ANKHD1: variants seen among roughly 807,000 people sequenced by gnomAD.
The protein encoded by ANKHD1 is ankyrin repeat and KH domain-containing protein 1.
ANKHD1 carries 31 observed loss-of-function variants against 230.5 expected under a neutral mutation model. The ratio of observed to expected loss-of-function variants is 0.13; its 90% CI spans 0.10 to 0.18. The LOEUF (loss-of-function observed/expected upper bound fraction) is 0.18. ANKHD1 is among the 10% of genes least tolerant of loss of function. The pLI is 1.00. For synonymous variants in ANKHD1, 1,074 were observed against 1,117.6 expected, an observed-to-expected ratio of 0.96 and a Z score of 0.78; for missense variants, 2,256 against 3,071.3, an observed-to-expected ratio of 0.73 and a Z score of 6.27.
intron 1 of ANKHD1, among the ~76,000 whole-genome samples, chr5:140,432,254 C>T (rs1003650753): frequency 1.3e-5 from 2 of 152,164 alleles, no homozygotes; most frequent in African/African-American, 2.4e-5. Context: ...CCTATTCTTC[C>T]CTTCTCCACT....
In ANKHD1 at chr5:140,507,014, GTT is replaced by G; in HGVS notation, c.3551+38_3551+39del. The G allele has an allele frequency of 1.2e-6, 2 of 1,604,532 alleles. No homozygotes were observed. The highest frequency in any genetic ancestry group is 4.5e-5 in the East Asian group (2 of 44,756). On this transcript the variant is annotated intron_variant, in intron 19 of 33. Transcript: ENST00000360839. The surrounding 1 kb of genome is among the most constrained non-coding windows in gnomAD (Gnocchi z 4.1). Reference sequence around the variant, plus strand: ...TCATTTTATTGTTCATGTTTAGTAAGTTACTACTTTGGACTTAAATGTCTACC... The same window carrying G: ...TCATTTTATTGTTCATGTTTAGTAAGACTACTTTGGACTTAAATGTCTACC...
In ANKHD1 at chr5:140,428,420, G is replaced by A. The variant is rs926018591; in HGVS notation, c.307-7684G>A. ...AGGCCGAGGCTGGCGGATCACTCGCGGTTAGGAGCTGGAGACCAGCCCGGC... is the reference window on the plus strand; with the variant it reads ...AGGCCGAGGCTGGCGGATCACTCGCAGTTAGGAGCTGGAGACCAGCCCGGC... On this transcript the variant is annotated intron_variant, in intron 1 of 33. Coordinates refer to ENST00000360839, the MANE Select transcript of ANKHD1 (RefSeq NM_017747.3). 2.6e-5 allele frequency among the ~76,000 whole-genome samples: 4 copies of A among 152,378 alleles called. No individual in the cohort carries two copies. The South Asian group carries it at 6.2e-4, about 24-fold the overall frequency.
In ANKHD1 at chr5:140,539,619, A is replaced by G; in HGVS notation, c.*201A>G. ...TTAGTTTAGCCATTTTGAACTTAAG[A>G]TCATATGACCTTAGTGCTTTTGGCT... On this transcript the variant is annotated 3_prime_UTR_variant, in exon 34 of 34. Coordinates refer to ENST00000360839, the MANE Select transcript of ANKHD1 (RefSeq NM_017747.3). 1 of 557,312 alleles carries G rather than the reference A, an allele frequency of 1.8e-6. No individual in the cohort carries two copies. Among genetic ancestry groups the G allele is most frequent in the Non-Finnish European group, 3.0e-6 (1 of 327,930 alleles). 34.5% of individuals were successfully genotyped at this position (557,312 alleles called of 1,614,324 possible).
In ANKHD1 at chr5:140,449,251, A is replaced by T; in HGVS notation, c.1188A>T (p.Ala396=). 1 of 1,613,834 alleles carries T rather than the reference A, an allele frequency of 6.2e-7. No homozygotes were observed. Among genetic ancestry groups the T allele is most frequent in the African/African-American group, 1.3e-5 (1 of 75,042 alleles). ...TTCGCTTTCTACTTGAAGCTGGTGC[A>T]GATCAAGAGCACAAAACAGATGAGA... The part of the protein sequence containing the change: ...DMVRFLLEAG[A]DQEHKTDEMH... Residue 396 remains alanine (A), a synonymous_variant, in exon 7 of 34, where the codon GCA becomes GCT. Transcript: ENST00000360839.
intron 24 of ANKHD1, 75 bp from the exon 25 acceptor site, chr5:140,523,991 C>T (rs1193019022): frequency 2.0e-6 from 3 of 1,475,366 alleles, no homozygotes; most frequent in African/African-American, 2.9e-5. Context: ...CCCTGTGTAT[C>T]ATAAAAATAT....
intron 1 of ANKHD1, among the ~76,000 whole-genome samples, chr5:140,421,487 G>A (rs1164166900): frequency 1.3e-5 from 2 of 151,890 alleles, no homozygotes; most frequent in African/African-American, 4.8e-5. Flanking sequence ...TTTTAGTAGA[G>A]ACGAGGTTTC....
At chr5:140,427,738 T>C (rs1581230864) in intron 1 of ANKHD1, among the ~76,000 whole-genome samples, 1 of 128,800 alleles carries the variant, frequency 7.8e-6, no homozygotes, top group Non-Finnish European at 1.6e-5. Flanking sequence ...GAGGCGCCCC[T>C]CACCTCCCGG....
chr5:140,464,932 G>A (rs930753050), intron 10 of ANKHD1, 156 bp downstream of exon 10: 8 of 672,308 alleles, frequency 1.2e-5, no homozygotes, highest in African/African-American at 9.1e-5. Context: ...TGTATTAAAT[G>A]TATTTGAAAA....
At chr5:140,454,091 A>C (rs535631292) in intron 7 of ANKHD1, among the ~76,000 whole-genome samples, 16 of 152,342 alleles carry the variant, frequency 1.1e-4, no homozygotes, top group African/African-American at 3.8e-4. Flanking sequence ...CAGACTTTAA[A>C]CCAACAAAGA....
At chr5:140,415,001 A>G (rs1771241622) in intron 1 of ANKHD1, among the ~76,000 whole-genome samples, 1 of 152,176 alleles carries the variant, frequency 6.6e-6, no homozygotes, top group African/African-American at 2.4e-5. Context: ...TTTCATGAAC[A>G]AAAAGTTTCT....
At chr5:140,410,091 G>A (rs944602823) in intron 1 of ANKHD1, among the ~76,000 whole-genome samples, 26 of 152,066 alleles carry the variant, frequency 1.7e-4, no homozygotes, top group Admixed American at 1.3e-3. Flanking sequence ...ATAAGTCAAA[G>A]TAATATAAGG....
At chr5:140,438,975 C>T (rs193158011) in intron 3 of ANKHD1, among the ~76,000 whole-genome samples, 53 of 152,246 alleles carry the variant, frequency 3.5e-4, no homozygotes, top group African/African-American at 1.3e-3. Flanking sequence ...AAACGAGTTA[C>T]TAATGCAGTA....
At chr5:140,530,237 G>A (rs1200783902) in intron 29 of ANKHD1, among the ~76,000 whole-genome samples, 2 of 151,086 alleles carry the variant, frequency 1.3e-5, no homozygotes, top group East Asian at 3.9e-4. Context: ...TTTGAGACAG[G>A]GTCTCACTCT....
chr5:140,458,026 C>T (rs777124689), intron 7 of ANKHD1, among the ~76,000 whole-genome samples: 2 of 152,240 alleles, frequency 1.3e-5, no homozygotes, highest in Middle Eastern at 3.4e-3. Flanking sequence ...TTTATTTTTA[C>T]ATCATTACAA....
At position 140,507,901 on chromosome 5, in the gene ANKHD1, A is replaced by G. The variant is rs1239109632; in HGVS notation, c.3668A>G (p.Asn1223Ser). The G allele has an allele frequency of 1.2e-6, 2 of 1,614,006 alleles. No individual in the cohort carries two copies. Among genetic ancestry groups the G allele is most frequent in the Non-Finnish European group, 1.7e-6 (2 of 1,180,024 alleles). The change falls in exon 20 of 34, where the codon AAT (asparagine) becomes AGT (serine). Residue 1223 changes from asparagine to serine, a missense_variant. By Grantham distance (46) the Asn-to-Ser change is conservative (BLOSUM62 1). Coordinates refer to ENST00000360839, the MANE Select transcript of ANKHD1 (RefSeq NM_017747.3). The surrounding 1 kb of genome is among the most constrained non-coding windows in gnomAD (Gnocchi z 4.1). The stretch of plus-strand genomic sequence containing the variant: ...GACATTAATGCCCAAATAGAGACCA[A>G]TCGGAACACGGCTCTCACCCTGGCC... The part of the protein sequence containing the change: ...GSDINAQIET[N>S]RNTALTLACF...
Position 140,482,686 on chromosome 5 carries a change from A to T in ANKHD1, c.1870+19A>T. 1 of 1,608,828 alleles carries T rather than the reference A, an allele frequency of 6.2e-7. No homozygotes were observed. Among genetic ancestry groups the T allele is most frequent in the Non-Finnish European group, 8.5e-7 (1 of 1,178,532 alleles). On this transcript the variant is annotated intron_variant, in intron 11 of 33. Coordinates refer to ENST00000360839, the MANE Select transcript of ANKHD1 (RefSeq NM_017747.3). ...AGCAAAGGTAAAGAAAGGGCAAGTG[A>T]TCATTTCCAAGAGGCTACAGTTTAT...
chr5:140,472,930 T>G (rs1750740650), intron 10 of ANKHD1, among the ~76,000 whole-genome samples: 1 of 151,928 alleles, frequency 6.6e-6, no homozygotes, highest in African/African-American at 2.4e-5. Flanking sequence ...TCCATTATAA[T>G]CCAAAGAGAT....
intron 10 of ANKHD1, among the ~76,000 whole-genome samples, chr5:140,474,016 A>C (rs1750819672): frequency 6.6e-6 from 1 of 152,228 alleles, no homozygotes; most frequent in Non-Finnish European, 1.5e-5. Context: ...GGTAGAGGCC[A>C]TACAGATTAT....
At chr5:140,532,412 T>C (rs1475606137) in intron 29 of ANKHD1, among the ~76,000 whole-genome samples, 3 of 151,818 alleles carry the variant, frequency 2.0e-5, no homozygotes, top group East Asian at 1.9e-4. Flanking sequence ...GGAGGGTGGG[T>C]GATAGCTTAG....
Sources: allele counts gnomAD v4.1 joint callset (sites outside exome capture counted in the v4.1 genomes callset), GRCh38; gene constraint gnomAD v4.1.1; non-coding constraint Gnocchi (gnomAD v3.1); transcripts MANE v1.5; gene names NCBI Gene and HGNC (gene_info 2026-07-23, HGNC 2026-07-21).